LYST: variants seen among roughly 807,000 people sequenced by gnomAD.
LYST encodes lysosomal-trafficking regulator.
In LYST, 192 loss-of-function variants were observed where a neutral mutation model predicts 413.6. That is an observed-to-expected ratio of 0.46 (90% CI 0.41 to 0.52). The LOEUF (loss-of-function observed/expected upper bound fraction) is 0.52, where lower values mean the gene tolerates loss of function less well. LYST is among the 20% of genes least tolerant of loss of function. The pLI, the probability that LYST is intolerant of heterozygous loss-of-function variation, is 0.00. For missense variants in LYST, 3,815 were observed against 4,499.9 expected, an observed-to-expected ratio of 0.85 and a Z score of 4.35; for synonymous variants, 1,525 against 1,567.3, an observed-to-expected ratio of 0.97 and a Z score of 0.64.
In LYST at chr1:235,709,205, C is replaced by T. The variant is rs1159830974; in HGVS notation, c.10029G>A (p.Gln3343=). Residue 3343 remains glutamine (Q), a synonymous_variant, in exon 44 of 53, where the codon CAG becomes CAA. Transcript: ENST00000389793. The part of the protein sequence containing the change: ...DPRLFILIHR[Q]ALESDYVSQN... ...GCGACACGTAGTCAGACTCTAGAGC[C>T]TGCCGATGGATGAGGATAAAAAGAC... The T allele has an allele frequency of 1.9e-6, 3 of 1,614,036 alleles. No individual in the cohort carries two copies. Among genetic ancestry groups the T allele is most frequent in the Non-Finnish European group, 2.5e-6 (3 of 1,180,034 alleles).
intron 47 of LYST, among the ~76,000 whole-genome samples, chr1:235,688,011 C>T (rs1191578426): frequency 6.6e-6 from 1 of 152,200 alleles, no homozygotes; most frequent in Non-Finnish European, 1.5e-5. Context: ...TCCCGTTATA[C>T]CATAAGGATC....
intron 1 of LYST, among the ~76,000 whole-genome samples, chr1:235,859,736 C>T (rs1679647435): frequency 2.0e-5 from 3 of 152,152 alleles, no homozygotes; most frequent in African/African-American, 7.2e-5. Flanking sequence ...CTACACAAGG[C>T]CTTTCTAAAA....
intron 1 of LYST, among the ~76,000 whole-genome samples, chr1:235,844,023 G>A (rs1221597874): frequency 6.6e-6 from 1 of 152,146 alleles, no homozygotes; most frequent in South Asian, 2.1e-4. Context: ...ATAAATCAGG[G>A]TTATTTTAAG....
chr1:235,741,239 C>T (rs1040658709), intron 31 of LYST, among the ~76,000 whole-genome samples, 183 bp downstream of exon 31: 59 of 152,148 alleles, frequency 3.9e-4, no homozygotes, highest in Non-Finnish European at 4.3e-4. Context: ...GGGAAATAAA[C>T]ACAGAGGTTA....
intron 14 of LYST, among the ~76,000 whole-genome samples, chr1:235,783,000 G>A (rs750730548): frequency 6.6e-6 from 1 of 152,126 alleles, no homozygotes; most frequent in Non-Finnish European, 1.5e-5. Context: ...GCAAAATAAG[G>A]CTTTCTCACA....
At chr1:235,833,506 G>T in intron 2 of LYST, 72 bp downstream of exon 2, 1 of 243,332 alleles carries the variant, frequency 4.1e-6, no homozygotes, top group Non-Finnish European at 6.6e-6. Flanking sequence ...TTTAACGAAT[G>T]TCAGATAATT....
intron 34 of LYST, among the ~76,000 whole-genome samples, chr1:235,732,419 C>T (rs1005639160): frequency 1.3e-5 from 2 of 152,172 alleles, no homozygotes; most frequent in African/African-American, 4.8e-5. Context: ...CCTCCCGCCT[C>T]AGCCTCCCAA....
chr1:235,782,182 T>A, intron 14 of LYST, 95 bp from the exon 15 acceptor site: 2 of 486,166 alleles, frequency 4.1e-6, no homozygotes, highest in East Asian at 6.6e-5. Context: ...GGGGAATTCT[T>A]TTTTTTTTTT....
intron 1 of LYST, among the ~76,000 whole-genome samples, chr1:235,853,560 G>A (rs1678806477): frequency 6.6e-6 from 1 of 151,612 alleles, no homozygotes; most frequent in African/African-American, 2.4e-5. Context: ...ATCTAAGACA[G>A]CAATGGCCCA....
chr1:235,759,179 C>T lies in LYST; in HGVS notation c.6674G>A (p.Arg2225His), dbSNP rs774836643. ...DDSPGDESCP[R>H]RPDYLKGLAS... ...CAATCCCTTTAGGTAATCAGGTCGG[C>T]GTGGGCAGGACTCATCCCCAGGACT... The change falls in exon 23 of 53, where the codon CGC (arginine) becomes CAC (histidine). Residue 2225 changes from arginine (R) to histidine (H), a missense_variant. This residue lies in a region of LYST where 771 missense variants were observed against 837.1 expected (regional missense o/e 0.92). Coordinates refer to ENST00000389793, the MANE Select transcript of LYST (RefSeq NM_000081.4). 1.1e-5 allele frequency: 18 copies of T among 1,614,004 alleles called. No homozygotes were observed. Among genetic ancestry groups the T allele is most frequent in the African/African-American group, 4.0e-5 (3 of 74,922 alleles).
rs1669088156 is a variant in LYST at position 235,775,013 on chromosome 1, T to C, written c.5534A>G (p.Asn1845Ser). ...LRVILSLIKY[N>S]QQRVHELENC... ...TTCTAATTCATGTACTCTTTGTTGG[T>C]TGTATTTAATTAATGAGAGTATAAC... is the stretch of plus-strand genomic sequence containing the variant. Residue 1845 changes from asparagine to serine, a missense_variant, in exon 18 of 53, where the codon AAC (asparagine) becomes AGC (serine). Asn to Ser is a conservative substitution (Grantham distance 46). Transcript: ENST00000389793. 1.2e-6 allele frequency: 2 copies of C among 1,611,022 alleles called. No individual in the cohort carries two copies. Among genetic ancestry groups the C allele is most frequent in the African/African-American group, 2.7e-5 (2 of 74,990 alleles).
chr1:235,773,769 C>T (rs753434855), intron 19 of LYST, 73 bp downstream of exon 19: 2 of 1,254,838 alleles, frequency 1.6e-6, no homozygotes, highest in South Asian at 1.2e-5. Context: ...CTTAAAAATG[C>T]TTAAGATGGT....
In LYST at chr1:235,746,560, C is replaced by T. The variant is rs1289924818; in HGVS notation, c.7781-33G>A. 14 of 1,509,882 alleles carry T rather than the reference C, an allele frequency of 9.3e-6. No individual in the cohort carries two copies. The African/African-American group carries it at 1.9e-4, about 21-fold the overall frequency. The allele number at this position is 1,509,882 out of a possible 1,614,324, so 93.5% of individuals were successfully genotyped here. On this transcript the variant is annotated intron_variant, in intron 28 of 52. Transcript: ENST00000389793. ...AGTATATAAATTAAAACATCAAATCCCAGTGTTAATAAGGATCAAGGAAAC... is the reference window on the plus strand; with the variant it reads ...AGTATATAAATTAAAACATCAAATCTCAGTGTTAATAAGGATCAAGGAAAC...
At chr1:235,693,610 T>C in intron 46 of LYST, 124 bp from the exon 47 acceptor site, 1 of 968,878 alleles carries the variant, frequency 1.0e-6, no homozygotes, top group Admixed American at 2.1e-5. Context: ...TGCAAGACCA[T>C]CTTTAAATCT....
Position 235,757,388 on chromosome 1 carries a change from G to A in LYST, c.6952C>T (p.Leu2318=), listed in dbSNP as rs753067671. Residue 2318 remains leucine, a synonymous_variant, in exon 24 of 53, where the codon CTG becomes TTG. Transcript: ENST00000389793. The part of the protein sequence containing the change: ...YELLSGVLLI[L]PDVLLEDVMD... ...ACATCTTCAAGCAAAACATCAGGCA[G>A]GATAAGAAGAACCCCACTTAGGAGT... 8 of 1,613,276 alleles carry A rather than the reference G, an allele frequency of 5.0e-6. No individual in the cohort carries two copies. In the African/African-American group the frequency reaches 8.0e-5, roughly 16 times the overall value.
chr1:235,882,361 G>A (rs1488326423), intron 1 of LYST, among the ~76,000 whole-genome samples: 1 of 152,196 alleles, frequency 6.6e-6, no homozygotes, highest in Non-Finnish European at 1.5e-5. Flanking sequence ...AGAGGGAGCC[G>A]ATCTTGAAAG....
chr1:235,868,148 G>C (rs1680736416), upstream of LYST, among the ~76,000 whole-genome samples: 1 of 151,990 alleles, frequency 6.6e-6, no homozygotes, highest in Non-Finnish European at 1.5e-5. Context: ...CACTTCCTCT[G>C]GCAGGTAGTC....
chr1:235,701,831 T>C (rs1167109273), intron 45 of LYST, among the ~76,000 whole-genome samples: 2 of 152,274 alleles, frequency 1.3e-5, no homozygotes, highest in East Asian at 1.9e-4. Context: ...TGAATTTCAC[T>C]GGTGGAATAA....
At chr1:235,736,564 G>A (rs969758149) in intron 31 of LYST, 10 of 152,124 alleles carry the variant, frequency 6.6e-5, no homozygotes, top group Admixed American at 3.9e-4. Flanking sequence ...GCAGGCTGGA[G>A]AGTTAATCAG....
Sources: allele counts gnomAD v4.1 joint callset (sites outside exome capture counted in the v4.1 genomes callset), GRCh38; gene constraint gnomAD v4.1.1; regional missense constraint gnomAD v4.1.1; transcripts MANE v1.5; gene names NCBI Gene and HGNC (gene_info 2026-07-23, HGNC 2026-07-21).